The following NEB variants were observed in gnomAD, a reference collection of about 807,000 sequenced individuals.
NEB encodes nemaline myopathy type 2.
NEB carries 512 observed loss-of-function variants against 952.2 expected under a neutral mutation model. The ratio of observed to expected loss-of-function variants is 0.54; its 90% confidence interval spans 0.50 to 0.58. The LOEUF is 0.58. Ranked by LOEUF, NEB falls within the 20% of genes least tolerant of loss-of-function variation. The pLI is 0.00. For missense variants in NEB, 8,428 were observed against 9,231.1 expected (o/e 0.91, Z 3.56); for synonymous variants, 2,900 against 3,149.8 (o/e 0.92, Z 2.66).
chr2:151,495,666 G>C (rs1035184799), intron 173 of NEB, among the ~76,000 whole-genome samples: 7 of 150,518 alleles, frequency 4.7e-5, no homozygotes, highest in Non-Finnish European at 7.4e-5. Context: ...TAAAACTAAA[G>C]AACAACAACA....
At chr2:151,722,178 T>C (rs1404222280) in intron 9 of NEB, among the ~76,000 whole-genome samples, 1 of 152,160 alleles carries the variant, frequency 6.6e-6, no homozygotes, top group East Asian at 1.9e-4. Context: ...AACTGACAAT[T>C]GAATGTCAAA....
At chr2:151,512,049 G>GTCTCAAAAAAAAAAAAAAAAAAAAAAAA (rs2074880725) in intron 161 of NEB, among the ~76,000 whole-genome samples, 1 of 33,194 alleles carries the variant, frequency 3.0e-5, no homozygotes. Context: ...TTTTTTTTTT[G>GTCTCAAAAAAAAAAAAAAAAAAAAAAAA]AGACAGAGTC....
At chr2:151,717,887 T>C (rs2099763783) in intron 9 of NEB, among the ~76,000 whole-genome samples, 1 of 146,872 alleles carries the variant, frequency 6.8e-6, no homozygotes, top group African/African-American at 2.5e-5. Context: ...GGAGTCTCAC[T>C]ATGTTGCCCA....
At chr2:151,561,597 A>G (rs560136842) in intron 121 of NEB, among the ~76,000 whole-genome samples, 1 of 140,632 alleles carries the variant, frequency 7.1e-6, no homozygotes, top group African/African-American at 2.7e-5. Flanking sequence ...GGTTTCGAAC[A>G]CTTTTTTTTT....
Position 151,531,108 on chromosome 2 carries a change from G to C in NEB, c.21523-7C>G. 6.4e-7 allele frequency: 1 copy of C among 1,572,500 alleles called. No individual in the cohort carries two copies. The highest frequency in any genetic ancestry group is 8.7e-7 in the Non-Finnish European group (1 of 1,144,402). On this transcript the variant is annotated splice_region_variant and splice_polypyrimidine_tract_variant and intron_variant, in intron 144 of 181. Coordinates refer to ENST00000397345, the MANE Select transcript of NEB (RefSeq NM_001164508.2). ...ATTCCAATTTATAAAGGATCTGAAA[G>C]ATCAAAAAGCAGAAAGACATCATGT...
intron 47 of NEB, among the ~76,000 whole-genome samples, chr2:151,658,386 A>G (rs185453728): frequency 2.0e-5 from 3 of 152,334 alleles, no homozygotes; most frequent in Admixed American, 1.3e-4. Flanking sequence ...ATTGATGCAA[A>G]TAAGAGTTAA....
At chr2:151,681,752 G>A (rs2148690251) in intron 29 of NEB, among the ~76,000 whole-genome samples, 1 of 152,286 alleles carries the variant, frequency 6.6e-6, no homozygotes, top group East Asian at 1.9e-4. Context: ...GGGAGGGACA[G>A]ATAATCTTGC....
chr2:151,710,367 C>T (rs1311674400), intron 11 of NEB, 67 bp downstream of exon 11: 10 of 1,095,588 alleles, frequency 9.1e-6, no homozygotes, highest in Middle Eastern at 2.0e-4. Flanking sequence ...GAGCAAGTAG[C>T]TAGAAGTCAC....
intron 135 of NEB, 45 bp from the exon 136 acceptor site, chr2:151,541,596 A>T (rs1421902957): frequency 6.7e-7 from 1 of 1,488,248 alleles, no homozygotes; most frequent in Non-Finnish European, 9.4e-7. Context: ...TTTCATGGGC[A>T]TGTTATGTTC....
chr2:151,680,933 T>G (rs1016301314), intron 29 of NEB, 105 bp from the exon 30 acceptor site: 2 of 952,332 alleles, frequency 2.1e-6, no homozygotes, highest in Non-Finnish European at 3.4e-6. Context: ...GAGTTTTTCA[T>G]GATTTTAAAA....
chr2:151,723,336 C>T (rs2099780251), intron 9 of NEB, 46 bp downstream of exon 9: 1 of 1,393,406 alleles, frequency 7.2e-7, no homozygotes, highest in Non-Finnish European at 1.0e-6. Flanking sequence ...AATTCAAGTT[C>T]CCCTGACTCT....
chr2:151,527,048 A>C, intron 147 of NEB, 26 bp from the exon 148 acceptor site: 1 of 1,481,440 alleles, frequency 6.8e-7, no homozygotes, highest in Non-Finnish European at 9.3e-7. Context: ...GGCAGAAGAA[A>C]AGGGAAGGGT....
intron 63 of NEB, 64 bp from the exon 64 acceptor site, chr2:151,636,398 G>A: frequency 1.6e-6 from 2 of 1,262,872 alleles, no homozygotes; most frequent in Non-Finnish European, 2.2e-6. Flanking sequence ...AGAGGACTAA[G>A]ACAATTCACT....
At chr2:151,728,572 A>G (rs1414676288) in intron 4 of NEB, among the ~76,000 whole-genome samples, 3 of 152,204 alleles carry the variant, frequency 2.0e-5, no homozygotes, top group African/African-American at 7.2e-5. Flanking sequence ...TAATGGGGTA[A>G]TTATCCTCAC....
chr2:151,646,727 G>GCAA (rs1358903686), intron 54 of NEB, among the ~76,000 whole-genome samples: 2 of 152,134 alleles, frequency 1.3e-5, no homozygotes, highest in Admixed American at 6.5e-5. Context: ...ATGGCTCACT[G>GCAA]CAACCTCTGC....
At chr2:151,498,028 C>A (rs2061477783) in intron 170 of NEB, 2 of 1,440,278 alleles carry the variant, frequency 1.4e-6, no homozygotes, top group African/African-American at 1.4e-5. Context: ...GTGTTGTTAT[C>A]CACACAAATG....
At chr2:151,530,312 C>T (rs2089952313) in intron 145 of NEB, among the ~76,000 whole-genome samples, 1 of 152,168 alleles carries the variant, frequency 6.6e-6, no homozygotes, top group Non-Finnish European at 1.5e-5. Flanking sequence ...GCAGGCCCAA[C>T]AGGCAGTTTT....
intron 12 of NEB, among the ~76,000 whole-genome samples, chr2:151,709,220 A>G (rs796111827): frequency 1.3e-5 from 2 of 152,322 alleles, no homozygotes; most frequent in African/African-American, 4.8e-5. Flanking sequence ...ATGATTGCCT[A>G]TCTTCATATA....
At chr2:151,546,469 C>T (rs747860562) in intron 133 of NEB, 26 bp from the exon 134 acceptor site, 2 of 1,465,466 alleles carry the variant, frequency 1.4e-6, no homozygotes, top group Non-Finnish European at 1.9e-6. Context: ...AGAAATATAG[C>T]TGGTCATAAG....
Sources: allele counts gnomAD v4.1 joint callset (sites outside exome capture counted in the v4.1 genomes callset), GRCh38; gene constraint gnomAD v4.1.1; transcripts MANE v1.5; gene names NCBI Gene and HGNC (gene_info 2026-07-23, HGNC 2026-07-21).